The following CECR2 variants were observed in gnomAD, a reference collection of about 807,000 sequenced individuals.
CECR2 encodes chromatin remodeling regulator CECR2.
In CECR2, 30 loss-of-function variants were observed where a neutral mutation model predicts 154.5. That is an observed-to-expected ratio of 0.19 (90% CI 0.15 to 0.26). The LOEUF (loss-of-function observed/expected upper bound fraction) is 0.26, where lower values mean the gene tolerates loss of function less well. Among genes scored for constraint, CECR2 ranks in the 10% least tolerant of loss-of-function variants. The pLI, the probability that CECR2 is intolerant of heterozygous loss-of-function variation, is 1.00. For missense variants in CECR2, 1,743 were observed against 1,829.3 expected (o/e 0.95, Z 0.86); for synonymous variants, 725 against 683.7 (o/e 1.06, Z -0.94).
intron 1 of CECR2, 103 bp from the exon 2 acceptor site, chr22:17,477,485 C>A (rs2055228657): frequency 1.3e-6 from 1 of 779,258 alleles, no homozygotes; most frequent in Non-Finnish European, 2.2e-6. Flanking sequence ...CCTTCCGCTG[C>A]TGGGACCATT....
intron 1 of CECR2, among the ~76,000 whole-genome samples, chr22:17,454,788 C>T (rs562486446): frequency 6.6e-6 from 1 of 152,276 alleles, no homozygotes; most frequent in African/African-American, 2.4e-5. Context: ...TTTAAGCATA[C>T]CAATCTGACC....
chr22:17,507,315 G>T (rs978616974), intron 7 of CECR2, among the ~76,000 whole-genome samples: 1 of 152,172 alleles, frequency 6.6e-6, no homozygotes. Flanking sequence ...CACCATCGGT[G>T]TACTTAAGTT....
chr22:17,446,935 A>AT (rs112375987), intron 1 of CECR2, among the ~76,000 whole-genome samples: 42,453 of 150,662 alleles, frequency 0.28, 8,314 homozygotes, highest in East Asian at 0.54. Context: ...ACACTGGTGC[A>AT]TTTTTACACA....
intron 16 of CECR2, 93 bp from the exon 17 acceptor site, chr22:17,548,055 C>A: frequency 2.5e-6 from 3 of 1,185,652 alleles, no homozygotes; most frequent in Non-Finnish European, 3.5e-6. Flanking sequence ...CACCACACAT[C>A]CACCTTAATC....
chr22:17,482,586 T>C (rs1221212305), intron 2 of CECR2, among the ~76,000 whole-genome samples: 2 of 151,864 alleles, frequency 1.3e-5, no homozygotes, highest in South Asian at 4.2e-4. Context: ...CAGGCTGGAG[T>C]GCAGTGGTGC....
chr22:17,502,657 G>C (rs7290709), intron 5 of CECR2, among the ~76,000 whole-genome samples: 6,958 of 152,082 alleles, frequency 0.046, 521 homozygotes, highest in African/African-American at 0.16. Context: ...ACAAAAATTA[G>C]CTGCACCTGG....
intron 1 of CECR2, among the ~76,000 whole-genome samples, chr22:17,428,957 A>G (rs2054376849): frequency 6.6e-6 from 1 of 152,028 alleles, no homozygotes; most frequent in Non-Finnish European, 1.5e-5. Flanking sequence ...TTGGTTGATG[A>G]TGGAGATAGC....
chr22:17,529,712 AAAGG>A (rs1473140223), intron 9 of CECR2, among the ~76,000 whole-genome samples: 1 of 152,066 alleles, frequency 6.6e-6, no homozygotes, highest in South Asian at 2.1e-4. Flanking sequence ...AAAAAAAAAA[AAAGG>A]AAGGATTAAA....
At chr22:17,404,129 C>CGG (rs1337807067) in intron 1 of CECR2, among the ~76,000 whole-genome samples, 23 of 151,442 alleles carry the variant, frequency 1.5e-4, no homozygotes, top group African/African-American at 3.9e-4. Flanking sequence ...CGTCATGTTG[C>CGG]ACGTCTGTAC....
intron 1 of CECR2, among the ~76,000 whole-genome samples, chr22:17,412,511 C>T (rs2054082503): frequency 6.6e-6 from 1 of 152,116 alleles, no homozygotes; most frequent in Non-Finnish European, 1.5e-5. Context: ...AATTCGATAG[C>T]ATTTGCTGAT....
intron 1 of CECR2, among the ~76,000 whole-genome samples, chr22:17,417,230 A>G (rs970543745): frequency 6.6e-6 from 1 of 152,250 alleles, no homozygotes; most frequent in African/African-American, 2.4e-5. Context: ...ACCAACAACC[A>G]TTGAGTGGCA....
intron 7 of CECR2, among the ~76,000 whole-genome samples, chr22:17,505,431 C>G (rs1171216665): frequency 3.3e-5 from 5 of 151,974 alleles, no homozygotes; most frequent in African/African-American, 1.2e-4. Flanking sequence ...GTCCTCTTCA[C>G]CAAATTCAGG....
At chr22:17,415,495 G>C (rs2054144206) in intron 1 of CECR2, among the ~76,000 whole-genome samples, 1 of 152,170 alleles carries the variant, frequency 6.6e-6, no homozygotes, top group African/African-American at 2.4e-5. Context: ...TCCTGCCTTG[G>C]CCTCCCAAAG....
chr22:17,471,524 T>C (rs1296245055), intron 1 of CECR2, among the ~76,000 whole-genome samples: 1 of 150,440 alleles, frequency 6.6e-6, no homozygotes, highest in Non-Finnish European at 1.5e-5. Context: ...TTTATTGTTG[T>C]TGTTGTTTGT....
chr22:17,544,967 G>A (rs562820854), intron 16 of CECR2, among the ~76,000 whole-genome samples: 4 of 152,200 alleles, frequency 2.6e-5, no homozygotes, highest in African/African-American at 9.6e-5. Flanking sequence ...GCAAAACCAT[G>A]TCTCAATACC....
intron 1 of CECR2, among the ~76,000 whole-genome samples, chr22:17,476,183 T>G (rs2055204562): frequency 6.7e-6 from 1 of 150,094 alleles, no homozygotes; most frequent in South Asian, 2.2e-4. Context: ...TCACGAAATC[T>G]CCCAGGCTTC....
chr22:17,539,318 G>A (rs1263684554), intron 13 of CECR2, among the ~76,000 whole-genome samples, 199 bp downstream of exon 13: 3 of 152,210 alleles, frequency 2.0e-5, no homozygotes, highest in East Asian at 3.8e-4. Flanking sequence ...ACAATAGAGT[G>A]CAGCTGGCAG....
In CECR2 at chr22:17,419,531, G is replaced by A. The variant is rs529306629; in HGVS notation, c.126+49622G>A. 1,272 of 163,264 alleles carry A rather than the reference G, an allele frequency of 7.8e-3. 18 individuals are homozygous for A. The highest frequency in any genetic ancestry group is 0.062 in the African/African-American group (1,200 of 19,454). The allele number at this position is 163,264 out of a possible 1,614,324, so 10.1% of individuals were successfully genotyped here. A position where few individuals can be genotyped will look rare whatever the true frequency, so the allele number is the denominator to read the frequency against. ...AGGAGGAAGAAGAAGAAGAAGAAGA[G>A]GAAGAGGAAGAGGAAGAGGAGGAGG... On this transcript the variant is annotated intron_variant, in intron 1 of 18. Transcript: ENST00000262608.
At chr22:17,508,475 G>A (rs2055885444) in intron 7 of CECR2, among the ~76,000 whole-genome samples, 1 of 151,798 alleles carries the variant, frequency 6.6e-6, no homozygotes, top group African/African-American at 2.4e-5. Context: ...TGTGTGTCTG[G>A]GATTGTAAGT....
Sources: gnomAD v4.1 joint callset for allele counts (sites outside exome capture counted in the v4.1 genomes callset) on GRCh38, gnomAD v4.1.1 for gene constraint, MANE v1.5 for transcripts, NCBI Gene and HGNC (gene_info 2026-07-23, HGNC 2026-07-21) for gene names.